CNTN2: variants seen among roughly 807,000 people sequenced by gnomAD.
CNTN2 encodes contactin-2.
In CNTN2, 53 loss-of-function variants were observed where a neutral mutation model predicts 117.5. That is an observed-to-expected ratio of 0.45 (90% CI 0.36 to 0.57). The LOEUF (loss-of-function observed/expected upper bound fraction) is 0.57, where lower values mean the gene tolerates loss of function less well. Among genes scored for constraint, CNTN2 ranks in the 20% least tolerant of loss-of-function variants. The probability of loss-of-function intolerance (pLI) is 0.00; values close to 1 mark genes in which losing one functional copy is unlikely to be tolerated. For missense variants in CNTN2, 1,106 were observed against 1,404.3 expected (o/e 0.79, Z 3.39); for synonymous variants, 530 against 561.7 (o/e 0.94, Z 0.80).
rs1442448308 is a variant in CNTN2, at chr1:205,061,672, G to GCACAGC, written c.974-187_974-182dup. 1.1e-5 allele frequency: 9 copies of GCACAGC among 846,690 alleles called. No individual in the cohort carries two copies. The highest frequency in any genetic ancestry group is 1.6e-5 in the Non-Finnish European group (9 of 559,680). 52.4% of individuals were successfully genotyped at this position (846,690 alleles called of 1,614,324 possible). On this transcript the variant is annotated intron_variant, in intron 8 of 22. Coordinates refer to ENST00000331830, the MANE Select transcript of CNTN2 (RefSeq NM_005076.5). The surrounding 1 kb of genome is among the most constrained non-coding windows in gnomAD (Gnocchi z 4.8). ...ATTTAAGTTGCAAAAGCAGCCACTGGCACAGCCACAGAGTGCCAGCTTTCT... is the reference window on the plus strand; with the variant it reads ...ATTTAAGTTGCAAAAGCAGCCACTGGCACAGCCACAGCCACAGAGTGCCAGCTTTCT...
At chr1:205,047,442 A>T (rs930942552) in intron 1 of CNTN2, among the ~76,000 whole-genome samples, 12 of 152,090 alleles carry the variant, frequency 7.9e-5, no homozygotes, top group Non-Finnish European at 2.9e-5. Context: ...TCTTAGGCAA[A>T]GGAAAAGGTA....
In CNTN2 at chr1:205,067,209, A is replaced by G; in HGVS notation, c.2084A>G (p.Glu695Gly). 1.2e-6 allele frequency: 2 copies of G among 1,614,054 alleles called. No individual in the cohort carries two copies. Among genetic ancestry groups the G allele is most frequent in the Non-Finnish European group, 1.7e-6 (2 of 1,179,976 alleles). Reference protein sequence around the residue: ...VIASNILGTGEPSGPSSKIRT... With the variant: ...VIASNILGTGGPSGPSSKIRT... ...GCCAGCAACATTCTGGGCACTGGGG[A>G]GCCTAGTGGGCCCTCCAGCAAAATC... The change falls in exon 16 of 23, where the codon GAG (glutamate) becomes GGG (glycine). Residue 695 changes from glutamate (E) to glycine (G), a missense_variant. Transcript: ENST00000331830.
chr1:205,073,637 C>G lies in CNTN2; in HGVS notation c.3014-19C>G. 6.2e-7 allele frequency: 1 copy of G among 1,610,366 alleles called. No homozygotes were observed. The highest frequency in any genetic ancestry group is 8.5e-7 in the Non-Finnish European group (1 of 1,178,232). ...AGGGTAGTCCCAGGCCCAGCTGACTCAGCTTGTGCTGGTTTCAGGCACAAG... is the reference window on the plus strand; with the variant it reads ...AGGGTAGTCCCAGGCCCAGCTGACTGAGCTTGTGCTGGTTTCAGGCACAAG... On this transcript the variant is annotated intron_variant, in intron 22 of 22. Transcript: ENST00000331830. This position sits in a 1 kb window ranked among gnomAD's most constrained non-coding sequence, Gnocchi z 6.3.
intron 2 of CNTN2, 141 bp from the exon 3 acceptor site, chr1:205,057,780 G>C: frequency 2.2e-6 from 2 of 897,362 alleles, no homozygotes; most frequent in South Asian, 3.8e-5. Context: ...GCCCTACGTG[G>C]CTAGTGGTTA....
Position 205,062,427 on chromosome 1 carries a change from C to T in CNTN2, c.1111-13C>T. The T allele has an allele frequency of 6.2e-7, 1 of 1,607,126 alleles. No individual in the cohort carries two copies. The highest frequency in any genetic ancestry group is 8.5e-7 in the Non-Finnish European group (1 of 1,176,914). On this transcript the variant is annotated splice_polypyrimidine_tract_variant and intron_variant, in intron 9 of 22. Coordinates refer to ENST00000331830, the MANE Select transcript of CNTN2 (RefSeq NM_005076.5). ...GGTCCTGATCCCCCTGGGCTCTGGG[C>T]TCTTCTGCACAGAACCGGGTGGAGG... is the stretch of plus-strand genomic sequence containing the variant.
Position 205,061,235 on chromosome 1 carries a change from C to T in CNTN2, c.798-10C>T. On this transcript the variant is annotated splice_polypyrimidine_tract_variant and intron_variant, in intron 7 of 22. Transcript: ENST00000331830. This position sits in a 1 kb window ranked among gnomAD's most constrained non-coding sequence, Gnocchi z 4.8. ...CAGCCCACACCCTCTGGCTTTGTCT[C>T]TCCTGCCAGCCCTGTCCCCCGGATC... 2.5e-6 allele frequency: 4 copies of T among 1,599,576 alleles called. No individual in the cohort carries two copies. Among genetic ancestry groups the T allele is most frequent in the Non-Finnish European group, 3.4e-6 (4 of 1,170,210 alleles).
rs768063416 is a variant in CNTN2, at chr1:205,072,086, G to C, written c.2684G>C (p.Gly895Ala). The change falls in exon 20 of 23, where the codon GGC (glycine) becomes GCC (alanine). Residue 895 changes from glycine to alanine, a missense_variant. Transcript: ENST00000331830. The part of the protein sequence containing the change: ...HVTVRAYNRA[G>A]TGPASPSANA... ...ACCGTGAGGGCCTACAACCGGGCTGGCACTGGGCCTGCCAGCCCTTCTGCC... is the reference window on the plus strand; with the variant it reads ...ACCGTGAGGGCCTACAACCGGGCTGCCACTGGGCCTGCCAGCCCTTCTGCC... 3 of 1,613,728 alleles carry C rather than the reference G, an allele frequency of 1.9e-6. No individual in the cohort carries two copies. The highest frequency in any genetic ancestry group is 2.5e-6 in the Non-Finnish European group (3 of 1,179,938).
In CNTN2 at chr1:205,065,747, C is replaced by T; in HGVS notation, c.1696-42C>T. The T allele has an allele frequency of 6.2e-7, 1 of 1,613,488 alleles. No individual in the cohort carries two copies. The highest frequency in any genetic ancestry group is 8.5e-7 in the Non-Finnish European group (1 of 1,179,864). On this transcript the variant is annotated intron_variant, in intron 13 of 22. Coordinates refer to ENST00000331830, the MANE Select transcript of CNTN2 (RefSeq NM_005076.5). The surrounding 1 kb of genome is among the most constrained non-coding windows in gnomAD (Gnocchi z 4.1). Reference sequence around the variant, plus strand: ...TCATGGCCTGCTGCACTGGTCAGGGCCGGTGGTCTGACCTGCTGCCCCTAA... The same window carrying T: ...TCATGGCCTGCTGCACTGGTCAGGGTCGGTGGTCTGACCTGCTGCCCCTAA...
chr1:205,074,204 C>T lies in CNTN2; in HGVS notation c.*439C>T. ...TGAAGAACTGGAGCGAAGTGCACAC[C>T]TCACCATCCTTCAGTCTAAGGAAGA... On this transcript the variant is annotated 3_prime_UTR_variant, in exon 23 of 23. Coordinates refer to ENST00000331830, the MANE Select transcript of CNTN2 (RefSeq NM_005076.5). 2.3e-6 allele frequency: 1 copy of T among 432,580 alleles called. No individual in the cohort carries two copies. The highest frequency in any genetic ancestry group is 4.1e-6 in the Non-Finnish European group (1 of 245,112). The allele number at this position is 432,580 out of a possible 1,614,324, so 26.8% of individuals were successfully genotyped here.
At chr1:205,051,261 C>A (rs2096452267) in intron 1 of CNTN2, among the ~76,000 whole-genome samples, 1 of 152,232 alleles carries the variant, frequency 6.6e-6, no homozygotes, top group African/African-American at 2.4e-5. Context: ...TGGAGATGGA[C>A]ACAGTTCTAC....
rs376459307 is a variant in CNTN2 at position 205,059,132 on chromosome 1, C to T, written c.536C>T (p.Thr179Met). 60 of 1,614,090 alleles carry T rather than the reference C, an allele frequency of 3.7e-5. No individual in the cohort carries two copies. Among genetic ancestry groups the T allele is most frequent in the Admixed American group, 3.2e-4 (19 of 60,010 alleles). ...LLNEFPNFIP[T>M]DGRHFVSQTT... is the part of the protein sequence containing the mutation. The stretch of plus-strand genomic sequence containing the variant: ...AACGAGTTCCCCAACTTCATCCCGA[C>T]GGACGGGCGTCACTTCGTGTCCCAG... The change falls in exon 6 of 23, where the codon ACG becomes ATG. Residue 179 changes from threonine to methionine, a missense_variant. Thr to Met is a moderately conservative substitution (Grantham distance 81, BLOSUM62 -1). Transcript: ENST00000331830. This position sits in a 1 kb window ranked among gnomAD's most constrained non-coding sequence, Gnocchi z 5.6.
intron 1 of CNTN2, among the ~76,000 whole-genome samples, chr1:205,051,907 G>A (rs1267167721): frequency 1.3e-5 from 2 of 152,202 alleles, no homozygotes; most frequent in Non-Finnish European, 2.9e-5. Context: ...GTCCTCTGCA[G>A]CCTTCTTTCT....
chr1:205,066,789 G>C (rs1265457965), intron 15 of CNTN2, among the ~76,000 whole-genome samples, 190 bp downstream of exon 15: 2 of 152,200 alleles, frequency 1.3e-5, no homozygotes, highest in Non-Finnish European at 2.9e-5. Flanking sequence ...CAGAAAGTAG[G>C]AGAGTCGGGA....
rs1421154504 is a variant in CNTN2, at chr1:205,075,469, G to C, written c.*1704G>C. ...TGCTCCGACAGGTGGCCCTTCACAG[G>C]GGGCAGCGGGACAGGCATCTTGAAG... On this transcript the variant is annotated 3_prime_UTR_variant, in exon 23 of 23. Transcript: ENST00000331830. The C allele has an allele frequency of 6.5e-6, 1 of 152,672 alleles. No homozygotes were observed. Among genetic ancestry groups the C allele is most frequent in the South Asian group, 2.1e-4 (1 of 4,830 alleles). The allele number at this position is 152,672 out of a possible 1,614,324, so 9.5% of individuals were successfully genotyped here.
chr1:205,071,907 G>A (rs377232991), intron 19 of CNTN2, 40 bp from the exon 20 acceptor site: 87 of 1,569,930 alleles, frequency 5.5e-5, no homozygotes, highest in African/African-American at 8.1e-5. Context: ...TGAGATCCTG[G>A]GCTTGACTAC....
chr1:205,069,564 A>G lies in CNTN2; in HGVS notation c.2196+3A>G. 2 of 1,612,630 alleles carry G rather than the reference A, an allele frequency of 1.2e-6. No homozygotes were observed. Among genetic ancestry groups the G allele is most frequent in the Non-Finnish European group, 1.7e-6 (2 of 1,179,952 alleles). On this transcript the variant is annotated splice_donor_region_variant and intron_variant, in intron 17 of 22. Coordinates refer to ENST00000331830, the MANE Select transcript of CNTN2 (RefSeq NM_005076.5). Reference sequence around the variant, plus strand: ...GAGAGCTCATCGTCAACTGGACGGTAAGCTGCAAGGGTCAGATGTCCTCCT... The same window carrying G: ...GAGAGCTCATCGTCAACTGGACGGTGAGCTGCAAGGGTCAGATGTCCTCCT...
chr1:205,056,100 G>A (rs1202294937), intron 2 of CNTN2, among the ~76,000 whole-genome samples: 1 of 152,152 alleles, frequency 6.6e-6, no homozygotes, highest in Non-Finnish European at 1.5e-5. Flanking sequence ...GAAGGGGTGT[G>A]TATGTGAATA....
rs1654040638 is a variant in CNTN2, at chr1:205,062,450, A to C, written c.1121A>C (p.Glu374Ala). The C allele has an allele frequency of 1.9e-6, 3 of 1,613,168 alleles. No individual in the cohort carries two copies. The highest frequency in any genetic ancestry group is 2.5e-6 in the Non-Finnish European group (3 of 1,179,618). Residue 374 changes from glutamate (E) to alanine (A), a missense_variant, in exon 10 of 23, where the codon GAG becomes GCG. Physicochemically the swap from Glu to Ala is moderately radical, Grantham distance 107. Transcript: ENST00000331830. ...GEPLASQNRV[E>A]VLAGDLRFSK... Reference sequence around the variant, plus strand: ...GGCTCTTCTGCACAGAACCGGGTGGAGGTGTTGGCTGGGGACCTGCGGTTC... The same window carrying C: ...GGCTCTTCTGCACAGAACCGGGTGGCGGTGTTGGCTGGGGACCTGCGGTTC...
In CNTN2 at chr1:205,058,455, C is replaced by A; in HGVS notation, c.391+99C>A. On this transcript the variant is annotated intron_variant, in intron 4 of 22. Transcript: ENST00000331830. The surrounding 1 kb of genome is among the most constrained non-coding windows in gnomAD (Gnocchi z 4.3). ...AAGGGACACCCTCAAGCCGGGCCTT[C>A]CTGACCTCACATGACATGCCTTAGT... 1 of 1,543,382 alleles carries A rather than the reference C, an allele frequency of 6.5e-7. No individual in the cohort carries two copies. The highest frequency in any genetic ancestry group is 8.8e-7 in the Non-Finnish European group (1 of 1,130,128).
Sources: gnomAD v4.1 joint callset for allele counts (sites outside exome capture counted in the v4.1 genomes callset) on GRCh38, gnomAD v4.1.1 for gene constraint, Gnocchi (gnomAD v3.1) non-coding constraint, MANE v1.5 for transcripts, NCBI Gene and HGNC (gene_info 2026-07-23, HGNC 2026-07-21) for gene names.